The following DNAH7 variants were observed in gnomAD, a reference collection of about 807,000 sequenced individuals.
DNAH7 encodes dynein axonemal heavy chain 7.
In DNAH7, 397 loss-of-function variants were observed where a neutral mutation model predicts 444.6. The observed-to-expected ratio is 0.89, with a 90% CI of 0.82 to 0.97. The LOEUF (loss-of-function observed/expected upper bound fraction) is 0.97. DNAH7 is among the 50% of genes least tolerant of loss of function. The pLI is 0.00. For synonymous variants in DNAH7, 1,636 were observed against 1,624.4 expected, an observed-to-expected ratio of 1.01 and a Z score of -0.17; for missense variants, 4,902 against 4,800.8, an observed-to-expected ratio of 1.02 and a Z score of -0.62.
rs992644241 is a variant in DNAH7 at position 195,751,927 on chromosome 2, G to T, written c.11764+2410C>A. Among the ~76,000 whole-genome samples, 5 of 152,144 alleles carry T rather than the reference G, an allele frequency of 3.3e-5. No individual in the cohort carries two copies. In the East Asian group the frequency reaches 9.6e-4, roughly 29 times the overall value. ...TATACAAATTAAGGGCAATAAGTGG[G>T]TAATGACAGTAGGGAGACAGGATAA... is the stretch of plus-strand genomic sequence containing the variant. On this transcript the variant is annotated intron_variant, in intron 63 of 64. Coordinates refer to ENST00000312428, the MANE Select transcript of DNAH7 (RefSeq NM_018897.3).
At chr2:195,745,652 A>G (rs1693353593) in intron 63 of DNAH7, among the ~76,000 whole-genome samples, 1 of 152,238 alleles carries the variant, frequency 6.6e-6, no homozygotes, top group African/African-American at 2.4e-5. Context: ...CTAACAGCAG[A>G]TCTCTGGGCA....
chr2:195,989,066 TTTTC>T (rs1210610501), intron 12 of DNAH7, among the ~76,000 whole-genome samples: 2 of 152,228 alleles, frequency 1.3e-5, no homozygotes, highest in African/African-American at 4.8e-5. Flanking sequence ...ATATATCATG[TTTTC>T]TTTATCCATT....
chr2:195,906,995 A>G lies in DNAH7; in HGVS notation c.4119T>C (p.Cys1373=), dbSNP rs776098470. The G allele has an allele frequency of 1.9e-6, 3 of 1,612,740 alleles. No homozygotes were observed. The African/African-American group carries it at 4.0e-5, about 22-fold the overall frequency. The change falls in exon 26 of 65, where the codon TGT becomes TGC. Residue 1373 remains cysteine (C), a synonymous_variant. Transcript: ENST00000312428. ...LGKFFKGLLS[C]GAWACFDEFN... is the part of the protein sequence containing the mutation. The stretch of plus-strand genomic sequence containing the variant: ...ACTCATCAAAGCAAGCCCAGGCTCC[A>G]CAAGATAACAGTCCCTATGAGAAAA...
Position 195,935,990 on chromosome 2 carries a change from G to A in DNAH7, c.3272+609C>T, listed in dbSNP as rs953214739. Reference sequence around the variant, plus strand: ...TAACAGGGGAAGGATAATCTGTGTGGGGCATTGCAAACCATCATGAGAGCA... The same window carrying A: ...TAACAGGGGAAGGATAATCTGTGTGAGGCATTGCAAACCATCATGAGAGCA... On this transcript the variant is annotated intron_variant, in intron 20 of 64. Transcript: ENST00000312428. Among the ~76,000 whole-genome samples, 21 of 152,150 alleles carry A rather than the reference G, an allele frequency of 1.4e-4. 1 individual carries two copies. The highest frequency in any genetic ancestry group is 1.2e-3 in the Admixed American group (19 of 15,260).
In DNAH7 at chr2:195,817,778, G is replaced by A; in HGVS notation, c.9343C>T (p.Leu3115=). 6.2e-7 allele frequency: 1 copy of A among 1,612,946 alleles called. No homozygotes were observed. Residue 3115 remains leucine (L), a synonymous_variant, in exon 50 of 65, where the codon CTG becomes TTG. Coordinates refer to ENST00000312428, the MANE Select transcript of DNAH7 (RefSeq NM_018897.3). ...CTTTCTTGTGCCACCACAATTCCCAGAAGCTGATCTTGCATTCCCTCAGGG... is the reference window on the plus strand; with the variant it reads ...CTTTCTTGTGCCACCACAATTCCCAAAAGCTGATCTTGCATTCCCTCAGGG... ...ITPEGMQDQL[L]GIVVAQERPD... is the part of the protein sequence containing the mutation.
chr2:195,983,656 C>G (rs914321269), intron 15 of DNAH7, among the ~76,000 whole-genome samples: 1 of 152,102 alleles, frequency 6.6e-6, no homozygotes, highest in East Asian at 1.9e-4. Context: ...TTGGAGGGGA[C>G]AAGCATTCAA....
chr2:195,923,621 A>G lies in DNAH7; in HGVS notation c.3799T>C (p.Leu1267=). 1 of 1,614,136 alleles carries G rather than the reference A, an allele frequency of 6.2e-7. No individual in the cohort carries two copies. The highest frequency in any genetic ancestry group is 1.1e-5 in the South Asian group (1 of 91,084). The change falls in exon 23 of 65, where the codon TTA becomes CTA. Residue 1267 remains leucine (L), a synonymous_variant. Coordinates refer to ENST00000312428, the MANE Select transcript of DNAH7 (RefSeq NM_018897.3). The stretch of plus-strand genomic sequence containing the variant: ...TGCCAGTAGTACCTAAGCTGACTTA[A>G]CCATTCAAAGTCAGAGTCATCGCTA... ...NISDDSDFEW[L]SQLRYYWQEN...
At chr2:195,882,404 CT>C (rs1701438472) in intron 35 of DNAH7, among the ~76,000 whole-genome samples, 1 of 152,108 alleles carries the variant, frequency 6.6e-6, no homozygotes, top group Admixed American at 6.5e-5. Context: ...TATTGCTTGA[CT>C]TTTATAACAG....
At chr2:195,771,594 A>G in intron 61 of DNAH7, 66 bp downstream of exon 61, 1 of 1,187,918 alleles carries the variant, frequency 8.4e-7, no homozygotes, top group South Asian at 1.3e-5. Context: ...CTAAACAAGT[A>G]TTTGCTAAAT....
chr2:195,824,571 C>T (rs13424743), intron 48 of DNAH7, 126 bp from the exon 49 acceptor site: 31,698 of 787,322 alleles, frequency 0.04, 1,319 homozygotes, highest in African/African-American at 0.18. Context: ...TACAAAATTA[C>T]TTTTGTCTTC....
At chr2:195,798,454 T>C (rs2105999088) in intron 55 of DNAH7, among the ~76,000 whole-genome samples, 1 of 152,328 alleles carries the variant, frequency 6.6e-6, no homozygotes. Context: ...TATTATTTTC[T>C]TGTTCTAGAC....
intron 37 of DNAH7, 152 bp from the exon 38 acceptor site, chr2:195,875,995 T>C (rs1408272981): frequency 1.5e-6 from 1 of 669,546 alleles, no homozygotes; most frequent in Non-Finnish European, 2.3e-6. Flanking sequence ...GATAATATCC[T>C]TAGCTTCCAT....
intron 47 of DNAH7, 102 bp from the exon 48 acceptor site, chr2:195,834,462 A>T: frequency 1.6e-6 from 2 of 1,272,930 alleles, no homozygotes; most frequent in South Asian, 4.2e-5. Flanking sequence ...TTTGCCCTTT[A>T]TTGTAATATT....
chr2:196,062,477 T>C (rs1440235223), intron 1 of DNAH7, among the ~76,000 whole-genome samples: 1 of 152,246 alleles, frequency 6.6e-6, no homozygotes, highest in Non-Finnish European at 1.5e-5. Context: ...TCTCAGACAT[T>C]GAAAACTTTT....
chr2:195,846,514 A>C (rs761402807), intron 46 of DNAH7, among the ~76,000 whole-genome samples: 1 of 152,220 alleles, frequency 6.6e-6, no homozygotes. Flanking sequence ...TATATGCCCA[A>C]AGAAATATAA....
At chr2:195,777,390 A>G (rs1396454109) in intron 59 of DNAH7, among the ~76,000 whole-genome samples, 1 of 152,216 alleles carries the variant, frequency 6.6e-6, no homozygotes, top group Admixed American at 6.5e-5. Flanking sequence ...AATAATACCA[A>G]TGTTAATTTG....
chr2:195,841,384 T>C (rs1698675275), intron 47 of DNAH7, among the ~76,000 whole-genome samples: 1 of 151,918 alleles, frequency 6.6e-6, no homozygotes, highest in Non-Finnish European at 1.5e-5. Context: ...ACAGTCTTAA[T>C]GTAACATCTT....
chr2:195,888,512 T>C (rs1474981776), intron 32 of DNAH7, 78 bp from the exon 33 acceptor site: 1 of 1,407,310 alleles, frequency 7.1e-7, no homozygotes, highest in Admixed American at 3.0e-5. Context: ...TGTTTTTTTA[T>C]AACCTTCAGC....
intron 19 of DNAH7, among the ~76,000 whole-genome samples, chr2:195,952,619 T>G (rs1195001810): frequency 6.6e-6 from 1 of 152,196 alleles, no homozygotes; most frequent in Non-Finnish European, 1.5e-5. Context: ...TTGAAGGCTT[T>G]GTTCGTTCCT....
Sources: gnomAD v4.1 joint callset for allele counts (sites outside exome capture counted in the v4.1 genomes callset) on GRCh38, gnomAD v4.1.1 for gene constraint, MANE v1.5 for transcripts, NCBI Gene and HGNC (gene_info 2026-07-23, HGNC 2026-07-21) for gene names.